KPNA6: variants seen among roughly 807,000 people sequenced by gnomAD.
KPNA6 encodes the protein importin subunit alpha-7.
In KPNA6, 9 loss-of-function variants were observed where a neutral mutation model predicts 72.0. The ratio of observed to expected loss-of-function variants is 0.13; its 90% CI spans 0.08 to 0.22. The LOEUF (loss-of-function observed/expected upper bound fraction) is 0.22. Ranked by LOEUF, KPNA6 falls within the 10% of genes least tolerant of loss-of-function variation. The probability of loss-of-function intolerance (pLI) is 1.00; values close to 1 mark genes in which losing one functional copy is unlikely to be tolerated. For missense variants in KPNA6, 374 were observed against 655.7 expected, an observed-to-expected ratio of 0.57 and a Z score of 4.69; for synonymous variants, 219 against 242.1, an observed-to-expected ratio of 0.90 and a Z score of 0.89.
chr1:32,158,805 C>CATCA (rs1557480641), intron 5 of KPNA6, among the ~76,000 whole-genome samples: 1 of 152,152 alleles, frequency 6.6e-6, no homozygotes. Context: ...CAGGAGAAAC[C>CATCA]ATCAGTTCCC....
At chr1:32,128,276 A>AT (rs1017246430) in intron 1 of KPNA6, among the ~76,000 whole-genome samples, 2 of 150,782 alleles carry the variant, frequency 1.3e-5, no homozygotes, top group African/African-American at 4.9e-5. Flanking sequence ...TTGTGTTTAC[A>AT]TATTTATATA....
Position 32,172,133 on chromosome 1 carries a change from T to G in KPNA6, c.*1239T>G, listed in dbSNP as rs1642450083. The G allele has an allele frequency of 6.6e-6, 1 of 152,184 alleles. No homozygotes were observed. The highest frequency in any genetic ancestry group is 2.4e-5 in the African/African-American group (1 of 41,442). 9.4% of individuals were successfully genotyped at this position (152,184 alleles called of 1,614,324 possible). A position where few individuals can be genotyped will look rare whatever the true frequency, so the allele number is the denominator to read the frequency against. Reference sequence around the variant, plus strand: ...AAGAACTGTCTGTCATTTCGGTAAGTAGGATACTGTGAGGAAGACCAAAAA... The same window carrying G: ...AAGAACTGTCTGTCATTTCGGTAAGGAGGATACTGTGAGGAAGACCAAAAA... On this transcript the variant is annotated 3_prime_UTR_variant, in exon 14 of 14. Transcript: ENST00000373625.
chr1:32,169,930 T>A lies in KPNA6; in HGVS notation c.1293T>A (p.Thr431=). ...TCAAACCCCTATGTGACTTGCTGAC[T>A]GTAATGGATTCGAAGATTGTGCAAG... The part of the protein sequence containing the change: ...GCIKPLCDLL[T]VMDSKIVQVA... Residue 431 remains threonine (T), a synonymous_variant, in exon 13 of 14, where the codon ACT becomes ACA. Transcript: ENST00000373625. The A allele has an allele frequency of 6.2e-7, 1 of 1,614,086 alleles. No homozygotes were observed. The highest frequency in any genetic ancestry group is 8.5e-7 in the Non-Finnish European group (1 of 1,180,018).
At chr1:32,128,632 A>G (rs1371459428) in intron 1 of KPNA6, among the ~76,000 whole-genome samples, 1 of 151,760 alleles carries the variant, frequency 6.6e-6, no homozygotes, top group Non-Finnish European at 1.5e-5. Context: ...CAGCCTTATT[A>G]TGGTCCCATT....
intron 5 of KPNA6, 83 bp from the exon 6 acceptor site, chr1:32,159,317 A>G: frequency 7.0e-7 from 1 of 1,418,744 alleles, no homozygotes; most frequent in South Asian, 1.3e-5. Flanking sequence ...CATGGGCAGG[A>G]GGCTTACTGT....
At chr1:32,124,199 C>T (rs1557460155) in intron 1 of KPNA6, among the ~76,000 whole-genome samples, 1 of 151,706 alleles carries the variant, frequency 6.6e-6, no homozygotes. Flanking sequence ...ATGATCAAAC[C>T]CCGTGTCTAC....
Position 32,173,475 on chromosome 1 carries a change from T to G in KPNA6, c.*2581T>G, listed in dbSNP as rs896160407. The G allele has an allele frequency of 2.7e-5, 5 of 187,418 alleles. No individual in the cohort carries two copies. The highest frequency in any genetic ancestry group is 5.5e-5 in the Non-Finnish European group (5 of 91,578). 11.6% of individuals were successfully genotyped at this position (187,418 alleles called of 1,614,324 possible). ...GCTAAAGTCTACTAGGGGCAGAGTG[T>G]GAGGATAGATTTCTAATCAGAGAAA... On this transcript the variant is annotated 3_prime_UTR_variant, in exon 14 of 14. Coordinates refer to ENST00000373625, the MANE Select transcript of KPNA6 (RefSeq NM_012316.5).
intron 1 of KPNA6, among the ~76,000 whole-genome samples, chr1:32,127,108 A>ATTTAT (rs1641550411): frequency 6.6e-6 from 1 of 152,056 alleles, no homozygotes; most frequent in Non-Finnish European, 1.5e-5. Context: ...ATTTTATTTT[A>ATTTAT]TTTATTGCTT....
At chr1:32,140,186 A>G (rs186755004) in intron 1 of KPNA6, among the ~76,000 whole-genome samples, 1 of 152,138 alleles carries the variant, frequency 6.6e-6, no homozygotes, top group Non-Finnish European at 1.5e-5. Context: ...AGTTCGAGAC[A>G]AGCCTGGCCA....
chr1:32,155,372 A>T (rs547372033), intron 2 of KPNA6, among the ~76,000 whole-genome samples: 1 of 139,636 alleles, frequency 7.2e-6, no homozygotes, highest in African/African-American at 2.7e-5. Flanking sequence ...CCCAGGCTGG[A>T]GTGCAATGGC....
At chr1:32,154,757 T>C in intron 2 of KPNA6, 36 bp downstream of exon 2, 4 of 1,610,906 alleles carry the variant, frequency 2.5e-6, no homozygotes, top group Non-Finnish European at 3.4e-6. Context: ...CATACTATTC[T>C]GGGAAACAAG....
chr1:32,108,204 C>T (rs1013781836), intron 1 of KPNA6, 70 bp downstream of exon 1: 3 of 1,601,584 alleles, frequency 1.9e-6, no homozygotes, highest in African/African-American at 2.7e-5. Context: ...TTGGCGAGAG[C>T]CTGTCTCCGG....
intron 1 of KPNA6, among the ~76,000 whole-genome samples, chr1:32,141,350 A>C (rs1641832256): frequency 1.2e-5 from 1 of 80,678 alleles, no homozygotes; most frequent in South Asian, 3.6e-4. Context: ...TTTATCCATT[A>C]GGGCTTTTTT....
chr1:32,136,665 T>G (rs1333666730), intron 1 of KPNA6, among the ~76,000 whole-genome samples: 1 of 152,220 alleles, frequency 6.6e-6, no homozygotes, highest in Non-Finnish European at 1.5e-5. Flanking sequence ...AGAACAATGA[T>G]TCAGAGTATC....
At chr1:32,155,048 T>C (rs1642111484) in intron 2 of KPNA6, among the ~76,000 whole-genome samples, 1 of 138,720 alleles carries the variant, frequency 7.2e-6, no homozygotes, top group Non-Finnish European at 1.5e-5. Context: ...GAGGCGGAGG[T>C]TGCAGGAGCT....
chr1:32,136,293 C>T (rs1641734892), intron 1 of KPNA6, among the ~76,000 whole-genome samples: 1 of 151,724 alleles, frequency 6.6e-6, no homozygotes, highest in Non-Finnish European at 1.5e-5. Flanking sequence ...GCCTCAGCCT[C>T]CCAAGTAGCT....
intron 4 of KPNA6, among the ~76,000 whole-genome samples, chr1:32,157,686 A>G (rs534370906): frequency 6.6e-6 from 1 of 152,088 alleles, no homozygotes; most frequent in Non-Finnish European, 1.5e-5. Context: ...CCCACCTTCA[A>G]CAGTTTTATC....
At chr1:32,160,834 C>A in intron 7 of KPNA6, 131 bp downstream of exon 7, 1 of 668,346 alleles carries the variant, frequency 1.5e-6, no homozygotes. Context: ...TTCTGATTGC[C>A]AAAGTAAAAG....
At chr1:32,134,206 G>A (rs890133204) in intron 1 of KPNA6, among the ~76,000 whole-genome samples, 5 of 150,622 alleles carry the variant, frequency 3.3e-5, no homozygotes, top group Non-Finnish European at 5.9e-5. Context: ...GCAGTGAGCC[G>A]AGATTGCACC....
Sources: gnomAD v4.1 joint callset for allele counts (sites outside exome capture counted in the v4.1 genomes callset) on GRCh38, gnomAD v4.1.1 for gene constraint, MANE v1.5 for transcripts, NCBI Gene and HGNC (gene_info 2026-07-23, HGNC 2026-07-21) for gene names.